IQCE: variants seen among roughly 807,000 people sequenced by gnomAD.
IQCE encodes the protein IQ motif containing E.
IQCE carries 115 observed loss-of-function variants against 96.0 expected under a neutral mutation model. The ratio of observed to expected loss-of-function variants is 1.20; its 90% CI spans 1.03 to 1.40. The LOEUF (loss-of-function observed/expected upper bound fraction) is 1.40. Among genes scored for constraint, IQCE ranks in the 40% most tolerant of loss-of-function variants. The probability of loss-of-function intolerance (pLI) is 0.00; values close to 1 mark genes in which losing one functional copy is unlikely to be tolerated. For missense variants in IQCE, 1,041 were observed against 909.1 expected (o/e 1.15, Z -1.87); for synonymous variants, 412 against 371.2 (o/e 1.11, Z -1.26).
At chr7:2,595,940 G>A (rs967358341) in intron 16 of IQCE, among the ~76,000 whole-genome samples, 4 of 152,140 alleles carry the variant, frequency 2.6e-5, no homozygotes, top group Non-Finnish European at 4.4e-5. Context: ...CATGGCCGGC[G>A]CTGCCTGCAC....
At chr7:2,608,656 G>A (rs1488210544) in intron 21 of IQCE, among the ~76,000 whole-genome samples, 1 of 152,164 alleles carries the variant, frequency 6.6e-6, no homozygotes, top group African/African-American at 2.4e-5. Flanking sequence ...TACCGGCTTC[G>A]CCAGACCCTG....
rs542143071 is a variant in IQCE at position 2,572,202 on chromosome 7, C to G, written c.270C>G (p.Thr90=). 1.9e-6 allele frequency: 3 copies of G among 1,613,598 alleles called. No individual in the cohort carries two copies. Among genetic ancestry groups the G allele is most frequent in the Non-Finnish European group, 2.5e-6 (3 of 1,179,784 alleles). ...WLGTAKPGSL[T]QALNSPLTWE... is the part of the protein sequence containing the mutation. ...GCACATTCAAACCAGGAAGTCTGACCCAGGCCCTGAACTCACCCCTCACCT... is the reference window on the plus strand; with the variant it reads ...GCACATTCAAACCAGGAAGTCTGACGCAGGCCCTGAACTCACCCCTCACCT... The change falls in exon 5 of 22, where the codon ACC becomes ACG. Residue 90 remains threonine (T), a synonymous_variant. Transcript: ENST00000402050.
At chr7:2,592,093 GTGAT>G (rs1783642724) in intron 14 of IQCE, among the ~76,000 whole-genome samples, 1 of 152,142 alleles carries the variant, frequency 6.6e-6, no homozygotes, top group Non-Finnish European at 1.5e-5. Flanking sequence ...GGCCCTACAG[GTGAT>G]CTGTGTGTAC....
chr7:2,561,631 C>G (rs1457555424), intron 1 of IQCE, among the ~76,000 whole-genome samples: 3 of 151,860 alleles, frequency 2.0e-5, no homozygotes, highest in African/African-American at 2.4e-5. Flanking sequence ...CCTTGTTAGC[C>G]AGGATGGTCT....
At chr7:2,577,482 A>C (rs533827455) in intron 6 of IQCE, among the ~76,000 whole-genome samples, 26 of 87,616 alleles carry the variant, frequency 3.0e-4, no homozygotes, top group Admixed American at 8.8e-4. Flanking sequence ...TGCGGCGTAT[A>C]CGCATTGGCG....
intron 3 of IQCE, among the ~76,000 whole-genome samples, chr7:2,571,012 T>C (rs563205249): frequency 1.8e-4 from 27 of 151,670 alleles, no homozygotes; most frequent in Non-Finnish European, 3.1e-4. Flanking sequence ...TTTCCCATTA[T>C]ATTCTTCCCA....
rs187913787 is a variant in IQCE at position 2,572,407 on chromosome 7, C to T, written c.394+81C>T. On this transcript the variant is annotated intron_variant, in intron 5 of 21. Transcript: ENST00000402050. ...CAGTCTCTGGGCTGGAGGCGTCCTTCGTCAGAGCAGGATTTCTGGCTTCGT... is the reference window on the plus strand; with the variant it reads ...CAGTCTCTGGGCTGGAGGCGTCCTTTGTCAGAGCAGGATTTCTGGCTTCGT... 4.5e-5 allele frequency: 65 copies of T among 1,440,352 alleles called. No individual in the cohort carries two copies. In the African/African-American group the frequency reaches 5.1e-4, roughly 11 times the overall value. The allele number at this position is 1,440,352 out of a possible 1,614,324, so 89.2% of individuals were successfully genotyped here.
rs200260075 is a variant in IQCE at position 2,571,547 on chromosome 7, C to T, written c.152C>T (p.Pro51Leu). 5.2e-5 allele frequency: 83 copies of T among 1,606,322 alleles called. No individual in the cohort carries two copies. Among genetic ancestry groups the T allele is most frequent in the South Asian group, 2.4e-4 (22 of 91,078 alleles). ...TSPKSPYLSK[P>L]RKVASWRSLR... ...CCAGAGTCACCTTATCTCTCTAAGCCGAGAAAAGTGGCCTCCTGGAGGTCC... is the reference window on the plus strand; with the variant it reads ...CCAGAGTCACCTTATCTCTCTAAGCTGAGAAAAGTGGCCTCCTGGAGGTCC... Residue 51 changes from proline to leucine, a missense_variant, in exon 4 of 22, where the codon CCG becomes CTG. Coordinates refer to ENST00000402050, the MANE Select transcript of IQCE (RefSeq NM_152558.5).
intron 13 of IQCE, among the ~76,000 whole-genome samples, 183 bp from the exon 14 acceptor site, chr7:2,589,724 G>A (rs76802514): frequency 0.028 from 4,278 of 152,226 alleles, 211 homozygotes; most frequent in African/African-American, 0.097. Context: ...GACTGAGCAG[G>A]GATCATGCTC....
intron 1 of IQCE, among the ~76,000 whole-genome samples, chr7:2,562,400 TTGTC>T (rs943507422): frequency 1.3e-5 from 2 of 152,066 alleles, no homozygotes; most frequent in Admixed American, 6.6e-5. Context: ...TGATATTTCT[TTGTC>T]TGCTTTTGGT....
chr7:2,559,881 C>A (rs1780808209), intron 1 of IQCE, among the ~76,000 whole-genome samples: 1 of 151,498 alleles, frequency 6.6e-6, no homozygotes. Flanking sequence ...GGAGCCGTGG[C>A]TCAGGCCGGT....
At chr7:2,587,062 G>A (rs77405773) in intron 12 of IQCE, among the ~76,000 whole-genome samples, 4,215 of 152,314 alleles carry the variant, frequency 0.028, 205 homozygotes, top group African/African-American at 0.096. Context: ...TGTGGTGAAA[G>A]GTGTTCAGGG....
rs370066993 is a variant in IQCE, at chr7:2,610,135, T to C, written c.2061T>C (p.Ser687=). 7.5e-5 allele frequency: 121 copies of C among 1,611,600 alleles called. No individual in the cohort carries two copies. The highest frequency in any genetic ancestry group is 1.0e-4 in the Admixed American group (6 of 59,996). The change falls in exon 22 of 22, where the codon TCT becomes TCC. Residue 687 remains serine (S), a synonymous_variant. Transcript: ENST00000402050. ...DDSDDIVIAP[S]LPTKNFPV is the part of the protein sequence containing the mutation. ...CCGACGATATTGTCATTGCACCGTC[T>C]CTGCCCACGAAGAACTTTCCAGTTT... is the stretch of plus-strand genomic sequence containing the variant.
intron 20 of IQCE, 134 bp downstream of exon 20, chr7:2,606,131 G>A (rs1210570512): frequency 7.1e-6 from 8 of 1,128,222 alleles, no homozygotes; most frequent in African/African-American, 6.5e-5. Flanking sequence ...GCGGGACCTC[G>A]GTTTGGAGCC....
rs577727054 is a variant in IQCE, at chr7:2,581,863, C to G, written c.631-717C>G. Among the ~76,000 whole-genome samples, 17 of 152,198 alleles carry G rather than the reference C, an allele frequency of 1.1e-4. No individual in the cohort carries two copies. In the East Asian group the frequency reaches 3.1e-3, roughly 28 times the overall value. On this transcript the variant is annotated intron_variant, in intron 8 of 21. Transcript: ENST00000402050. ...TAGCTGGGACTACAGGCGCCCGCCA[C>G]CGCGCCTGGCTAATTTTTTTTTGTA... is the stretch of plus-strand genomic sequence containing the variant.
At chr7:2,567,077 G>C (rs1359414034) in intron 1 of IQCE, 39 bp from the exon 2 acceptor site, 2 of 1,583,242 alleles carry the variant, frequency 1.3e-6, no homozygotes, top group Non-Finnish European at 1.7e-6. Flanking sequence ...AAGCCCAGCA[G>C]GTGCCGTCGA....
In IQCE at chr7:2,559,046, G is replaced by C; in HGVS notation, c.-136G>C. On this transcript the variant is annotated 5_prime_UTR_variant, in exon 1 of 22. Coordinates refer to ENST00000402050, the MANE Select transcript of IQCE (RefSeq NM_152558.5). ...CCCGGCTGGGTAGGTCGGCGGCCTGGTTGCCATGGCAGCGGGGTCGCGGGC... is the reference window on the plus strand; with the variant it reads ...CCCGGCTGGGTAGGTCGGCGGCCTGCTTGCCATGGCAGCGGGGTCGCGGGC... 1 of 429,526 alleles carries C rather than the reference G, an allele frequency of 2.3e-6. No individual in the cohort carries two copies. The highest frequency in any genetic ancestry group is 3.7e-6 in the Non-Finnish European group (1 of 268,560). The allele number at this position is 429,526 out of a possible 1,614,324, so 26.6% of individuals were successfully genotyped here.
Position 2,613,884 on chromosome 7 carries a change from C to G in IQCE, c.*3722C>G, listed in dbSNP as rs1785198507. 6.6e-6 allele frequency: 1 copy of G among 151,592 alleles called. No homozygotes were observed. Among genetic ancestry groups the G allele is most frequent in the Non-Finnish European group, 1.5e-5 (1 of 67,630 alleles). 9.4% of individuals were successfully genotyped at this position (151,592 alleles called of 1,614,324 possible). On this transcript the variant is annotated 3_prime_UTR_variant, in exon 22 of 22. Transcript: ENST00000402050. Reference sequence around the variant, plus strand: ...TTCCCGCAGGCCTGGGGTGAGTGACCTGACTGAGACTAGCGGGCAGAGCCA... The same window carrying G: ...TTCCCGCAGGCCTGGGGTGAGTGACGTGACTGAGACTAGCGGGCAGAGCCA...
chr7:2,573,593 G>A (rs1217693921), intron 6 of IQCE, 105 bp downstream of exon 6: 3 of 650,216 alleles, frequency 4.6e-6, no homozygotes, highest in Non-Finnish European at 8.1e-6. Flanking sequence ...GATGGGAAGA[G>A]CGGGAGCGTT....
Sources: gnomAD v4.1 joint callset for allele counts (sites outside exome capture counted in the v4.1 genomes callset) on GRCh38, gnomAD v4.1.1 for gene constraint, MANE v1.5 for transcripts, NCBI Gene and HGNC (gene_info 2026-07-23, HGNC 2026-07-21) for gene names.